RTN1: variants seen among roughly 807,000 people sequenced by gnomAD.
RTN1 encodes reticulon 1, also known as reticulon-1.
Under a neutral mutation model 65.5 loss-of-function variants are expected in RTN1, and 25 were observed. That is an observed-to-expected ratio of 0.38 (90% CI 0.28 to 0.53). The LOEUF (loss-of-function observed/expected upper bound fraction) is 0.53. RTN1 is among the 20% of genes least tolerant of loss of function. The pLI is 0.79. For synonymous variants in RTN1, 471 were observed against 447.6 expected, an observed-to-expected ratio of 1.05 and a Z score of -0.66; for missense variants, 983 against 1,025.4, an observed-to-expected ratio of 0.96 and a Z score of 0.57.
At chr14:59,869,252 T>A (rs1887847540) in intron 1 of RTN1, among the ~76,000 whole-genome samples, 1 of 151,774 alleles carries the variant, frequency 6.6e-6, no homozygotes, top group Non-Finnish European at 1.5e-5. Flanking sequence ...TTTCTTTAAA[T>A]CAACCACCAA....
chr14:59,708,339 G>T (rs979291483), intron 3 of RTN1, among the ~76,000 whole-genome samples: 2 of 152,230 alleles, frequency 1.3e-5, no homozygotes, highest in African/African-American at 2.4e-5. Flanking sequence ...TTAAAAACCA[G>T]ATTTGTTTTT....
chr14:59,834,229 A>G lies in RTN1; in HGVS notation c.241+36161T>C, dbSNP rs183970112. The stretch of plus-strand genomic sequence containing the variant: ...AAAAATTAACTTAAAATATGGACCT[A>G]TATATAAAACCTGAAACTATAAAAT... On this transcript the variant is annotated intron_variant, in intron 1 of 8. Transcript: ENST00000267484. 2.3e-3 allele frequency among the ~76,000 whole-genome samples: 343 copies of G among 152,310 alleles called. 4 individuals carry two copies. The highest frequency in any genetic ancestry group is 7.7e-3 in the African/African-American group (320 of 41,584).
chr14:59,689,654 T>C (rs987622911), intron 3 of RTN1, among the ~76,000 whole-genome samples: 1 of 152,182 alleles, frequency 6.6e-6, no homozygotes. Context: ...AGCCTATTTT[T>C]AGCATTCTTA....
chr14:59,651,112 G>A (rs1184009019), intron 3 of RTN1, among the ~76,000 whole-genome samples: 1 of 152,112 alleles, frequency 6.6e-6, no homozygotes, highest in East Asian at 1.9e-4. Context: ...AGCTGGAGGT[G>A]TCACGTTACT....
intron 1 of RTN1, among the ~76,000 whole-genome samples, chr14:59,798,376 A>T (rs1886478095): frequency 1.3e-5 from 2 of 152,230 alleles, no homozygotes; most frequent in Non-Finnish European, 2.9e-5. Context: ...TATAACTGTA[A>T]CAAATTATCA....
intron 1 of RTN1, among the ~76,000 whole-genome samples, chr14:59,828,741 T>C (rs1326924241): frequency 6.6e-6 from 1 of 152,098 alleles, no homozygotes; most frequent in Non-Finnish European, 1.5e-5. Context: ...GGGGTATGAT[T>C]TTTCTCCCAA....
chr14:59,622,771 G>A (rs1442412171), intron 3 of RTN1, among the ~76,000 whole-genome samples: 4 of 152,168 alleles, frequency 2.6e-5, no homozygotes, highest in East Asian at 1.9e-4. Context: ...CATTTACCAA[G>A]ATAGTATCCC....
intron 1 of RTN1, among the ~76,000 whole-genome samples, chr14:59,759,093 C>T (rs556437212): frequency 6.6e-6 from 1 of 152,088 alleles, no homozygotes; most frequent in African/African-American, 2.4e-5. Flanking sequence ...CATCATATAT[C>T]CTGATTCATC....
chr14:59,812,030 C>T (rs1203963991), intron 1 of RTN1, among the ~76,000 whole-genome samples: 1 of 152,148 alleles, frequency 6.6e-6, no homozygotes, highest in East Asian at 1.9e-4. Context: ...CCTCACTGTG[C>T]TATTCAGACT....
intron 3 of RTN1, among the ~76,000 whole-genome samples, chr14:59,709,645 C>G (rs920907457): frequency 6.6e-6 from 1 of 152,088 alleles, no homozygotes; most frequent in African/African-American, 2.4e-5. Flanking sequence ...GGTGCCAGTC[C>G]GCCTGCCTAT....
intron 1 of RTN1, among the ~76,000 whole-genome samples, chr14:59,838,449 CA>C (rs1270794191): frequency 6.6e-6 from 1 of 152,006 alleles, no homozygotes; most frequent in Non-Finnish European, 1.5e-5. Context: ...TAATTTTTTT[CA>C]AATGGGAAAA....
At chr14:59,762,794 C>T (rs926619128) in intron 1 of RTN1, among the ~76,000 whole-genome samples, 1 of 152,188 alleles carries the variant, frequency 6.6e-6, no homozygotes, top group East Asian at 1.9e-4. Flanking sequence ...AGTTCAAAAA[C>T]TCATGGGCTG....
intron 1 of RTN1, among the ~76,000 whole-genome samples, chr14:59,758,485 T>A (rs545426953): frequency 1.3e-5 from 2 of 152,332 alleles, no homozygotes; most frequent in South Asian, 4.1e-4. Flanking sequence ...TAAGATTTTC[T>A]ACTTCTGTGC....
chr14:59,851,401 C>G (rs948329595), intron 1 of RTN1, among the ~76,000 whole-genome samples: 3 of 152,148 alleles, frequency 2.0e-5, no homozygotes, highest in Non-Finnish European at 4.4e-5. Flanking sequence ...GTTAAATAAG[C>G]ACAGAGCAGA....
At position 59,596,556 on chromosome 14, in the gene RTN1, G is replaced by C. The variant is rs1055937977; in HGVS notation, c.*189C>G. 19 of 523,988 alleles carry C rather than the reference G, an allele frequency of 3.6e-5. No homozygotes were observed. Among genetic ancestry groups the C allele is most frequent in the Non-Finnish European group, 6.6e-5 (19 of 289,290 alleles). The allele number at this position is 523,988 out of a possible 1,614,324, so 32.5% of individuals were successfully genotyped here. On this transcript the variant is annotated 3_prime_UTR_variant, in exon 9 of 9. Coordinates refer to ENST00000267484, the MANE Select transcript of RTN1 (RefSeq NM_021136.3). ...CACTTTTCTCTATACTTTAGTGGTTGACACAAGTGACTCAAATATCCTAAG... is the reference window on the plus strand; with the variant it reads ...CACTTTTCTCTATACTTTAGTGGTTCACACAAGTGACTCAAATATCCTAAG...
At chr14:59,772,870 T>C (rs190689468) in intron 1 of RTN1, among the ~76,000 whole-genome samples, 2 of 152,262 alleles carry the variant, frequency 1.3e-5, no homozygotes, top group African/African-American at 4.8e-5. Flanking sequence ...TTAAATGATG[T>C]AATACTTCTA....
At position 59,642,519 on chromosome 14, in the gene RTN1, C is replaced by G. The variant is rs377089885; in HGVS notation, c.1766-35027G>C. On this transcript the variant is annotated intron_variant, in intron 3 of 8. Coordinates refer to ENST00000267484, the MANE Select transcript of RTN1 (RefSeq NM_021136.3). ...TCTTTTCTTTTTATATTTTTATTCT[C>G]TTTATCTGCCACTTCGGATATTTGA... 1.6e-4 allele frequency among the ~76,000 whole-genome samples: 24 copies of G among 152,090 alleles called. No homozygotes were observed. In the East Asian group the frequency reaches 4.4e-3, roughly 28 times the overall value.
chr14:59,612,862 C>T (rs1881995756), intron 3 of RTN1, among the ~76,000 whole-genome samples: 1 of 152,174 alleles, frequency 6.6e-6, no homozygotes, highest in South Asian at 2.1e-4. Flanking sequence ...TTGAAATTTG[C>T]TTCTCTAGGC....
intron 3 of RTN1, among the ~76,000 whole-genome samples, chr14:59,682,055 A>G (rs1883755751): frequency 6.6e-6 from 1 of 152,182 alleles, no homozygotes; most frequent in Non-Finnish European, 1.5e-5. Flanking sequence ...AAGCTAGAAG[A>G]TCCAGCATGT....
Sources: gnomAD v4.1 joint callset for allele counts (sites outside exome capture counted in the v4.1 genomes callset) on GRCh38, gnomAD v4.1.1 for gene constraint, MANE v1.5 for transcripts, NCBI Gene and HGNC (gene_info 2026-07-23, HGNC 2026-07-21) for gene names.